Variants in SLC6A5 observed in about 807,000 individuals in gnomAD.
SLC6A5 encodes the protein sodium- and chloride-dependent glycine transporter 2.
In SLC6A5, 58 loss-of-function variants were observed where a neutral mutation model predicts 90.5. The observed-to-expected ratio is 0.64, with a 90% CI of 0.52 to 0.80. The LOEUF is 0.80. SLC6A5 is among the 30% of genes least tolerant of loss of function. The probability of loss-of-function intolerance (pLI) is 0.00; values close to 1 mark genes in which losing one functional copy is unlikely to be tolerated. For synonymous variants in SLC6A5, 427 were observed against 401.4 expected (o/e 1.06, Z -0.76); for missense variants, 1,015 against 1,017.6 (o/e 1.00, Z 0.03).
intron 13 of SLC6A5, among the ~76,000 whole-genome samples, chr11:20,639,163 A>G (rs1853266335): frequency 1.3e-5 from 2 of 152,296 alleles, no homozygotes; most frequent in Middle Eastern, 3.4e-3. Flanking sequence ...ATGGTGAGCT[A>G]TCAGATGCCA....
intron 14 of SLC6A5, 115 bp downstream of exon 14, chr11:20,647,049 G>T: frequency 1.3e-6 from 1 of 785,524 alleles, no homozygotes; most frequent in East Asian, 2.6e-5. Flanking sequence ...CCTGGGAGCT[G>T]GTAGGTTGGG....
intron 5 of SLC6A5, among the ~76,000 whole-genome samples, chr11:20,611,673 A>G (rs1402165905): frequency 3.3e-5 from 5 of 152,028 alleles, no homozygotes; most frequent in Non-Finnish European, 5.9e-5. Context: ...GCTGCAACGC[A>G]GGAAACTCTA....
intron 9 of SLC6A5, among the ~76,000 whole-genome samples, chr11:20,629,470 T>G (rs987400457): frequency 3.3e-5 from 5 of 152,176 alleles, no homozygotes; most frequent in African/African-American, 1.2e-4. Flanking sequence ...ATAGACTGAG[T>G]AATATTTTTT....
chr11:20,630,609 G>T, intron 9 of SLC6A5, 82 bp from the exon 10 acceptor site: 2 of 1,480,826 alleles, frequency 1.4e-6, no homozygotes, highest in Non-Finnish European at 1.9e-6. Context: ...AAACATGTGG[G>T]CACACATTTG....
At chr11:20,625,783 C>A (rs1217457956) in intron 7 of SLC6A5, among the ~76,000 whole-genome samples, 1 of 152,180 alleles carries the variant, frequency 6.6e-6, no homozygotes, top group Non-Finnish European at 1.5e-5. Flanking sequence ...CCCACCTTGC[C>A]TCTCCTCCTC....
rs773387120 is a variant in SLC6A5 at position 20,626,773 on chromosome 11, C to A, written c.1326C>A (p.Thr442=). Residue 442 remains threonine (T), a synonymous_variant, in exon 8 of 16, where the codon ACC becomes ACA. Transcript: ENST00000525748. ...TGATCCTCCTCATCCGAGGAGTCAC[C>A]CTGCCTGGAGCTGGAGCTGGGATCT... ...VLVILLIRGV[T]LPGAGAGIWY... 2 of 1,613,884 alleles carry A rather than the reference C, an allele frequency of 1.2e-6. No homozygotes were observed. The highest frequency in any genetic ancestry group is 2.2e-5 in the East Asian group (1 of 44,860).
At chr11:20,628,448 G>A (rs1449352622) in intron 9 of SLC6A5, among the ~76,000 whole-genome samples, 1 of 152,164 alleles carries the variant, frequency 6.6e-6, no homozygotes, top group African/African-American at 2.4e-5. Context: ...GTGGGGCTGT[G>A]ACCTAATCTC....
intron 13 of SLC6A5, among the ~76,000 whole-genome samples, chr11:20,639,979 G>A (rs1326221484): frequency 6.6e-6 from 1 of 152,188 alleles, no homozygotes; most frequent in Non-Finnish European, 1.5e-5. Flanking sequence ...TGCTGTCGGA[G>A]TTAGGGTGAG....
chr11:20,613,718 G>A (rs987763185), intron 5 of SLC6A5, among the ~76,000 whole-genome samples: 11 of 136,062 alleles, frequency 8.1e-5, no homozygotes, highest in African/African-American at 3.0e-4. Context: ...GGAATGCAGT[G>A]GCATGATCAT....
At chr11:20,636,526 G>A (rs541962363) in intron 11 of SLC6A5, 107 bp downstream of exon 11, 1 of 751,704 alleles carries the variant, frequency 1.3e-6, no homozygotes, top group South Asian at 1.5e-5. Context: ...ACGGGTGTCT[G>A]AATGTTTCTC....
rs772106200 is a variant in SLC6A5, at chr11:20,614,859, G to A, written c.1127+39G>A. ...CTTTTTCCTTTTTTACCTTCTAAGA[G>A]AAACACAGTGAATTAATAAATATTC... On this transcript the variant is annotated intron_variant, in intron 6 of 15. Transcript: ENST00000525748. 1.2e-5 allele frequency: 18 copies of A among 1,549,314 alleles called. No individual in the cohort carries two copies. The East Asian group carries it at 4.0e-4, about 35-fold the overall frequency.
Position 20,626,711 on chromosome 11 carries a change from G to T in SLC6A5, c.1264G>T (p.Val422Leu). 1.2e-6 allele frequency: 2 copies of T among 1,614,018 alleles called. No homozygotes were observed. The highest frequency in any genetic ancestry group is 1.7e-6 in the Non-Finnish European group (2 of 1,179,926). Residue 422 changes from valine (V) to leucine (L), a missense_variant, in exon 8 of 16, where the codon GTG (valine) becomes TTG (leucine). By Grantham distance (32) the Val-to-Leu change is conservative. Around this residue, in one of 3 missense-constraint regions of SLC6A5, gnomAD observed 442 missense variants for 494.3 expected, o/e 0.89. Transcript: ENST00000525748. ...AKGIKTSGKV[V>L]YFTATFPYVV... ...CCTCTGCCCATGGCTTTTCTAGGTGGTGTACTTCACGGCCACGTTCCCGTA... is the reference window on the plus strand; with the variant it reads ...CCTCTGCCCATGGCTTTTCTAGGTGTTGTACTTCACGGCCACGTTCCCGTA...
At chr11:20,649,876 T>A (rs1411196283) in intron 14 of SLC6A5, among the ~76,000 whole-genome samples, 2 of 152,212 alleles carry the variant, frequency 1.3e-5, no homozygotes, top group African/African-American at 4.8e-5. Context: ...TAGGGACAAA[T>A]GTTTAAAAAG....
chr11:20,626,877 G>C, intron 8 of SLC6A5, 35 bp downstream of exon 8: 1 of 1,600,166 alleles, frequency 6.2e-7, no homozygotes, highest in Non-Finnish European at 8.6e-7. Context: ...CCAGCCCTGG[G>C]GGAGTGGCCC....
Position 20,637,258 on chromosome 11 carries a change from C to A in SLC6A5, c.1824C>A (p.Gly608=), listed in dbSNP as rs1217223125. The change falls in exon 12 of 16, where the codon GGC becomes GGA. Residue 608 remains glycine, a synonymous_variant. Transcript: ENST00000525748. ...LRTHKPVFTL[G]CCICFFIMGF... ...CACACAAGCCAGTGTTTACTCTGGG[C>A]TGCTGCATTTGTTTCTTCATCATGG... 6.2e-7 allele frequency: 1 copy of A among 1,611,438 alleles called. No homozygotes were observed. Among genetic ancestry groups the A allele is most frequent in the Non-Finnish European group, 8.5e-7 (1 of 1,178,422 alleles).
intron 12 of SLC6A5, among the ~76,000 whole-genome samples, chr11:20,638,084 T>C (rs7950354): frequency 0.29 from 44,252 of 151,958 alleles, 6,641 homozygotes; most frequent in Middle Eastern, 0.41. Context: ...CATCGGAGGG[T>C]CAATCGAATG....
intron 5 of SLC6A5, among the ~76,000 whole-genome samples, chr11:20,614,263 C>G (rs998576869): frequency 6.6e-6 from 1 of 152,144 alleles, no homozygotes; most frequent in Non-Finnish European, 1.5e-5. Flanking sequence ...GATCTGAGTT[C>G]GAATCCTGAT....
chr11:20,615,756 G>C (rs1048105414), intron 6 of SLC6A5, among the ~76,000 whole-genome samples: 3 of 150,798 alleles, frequency 2.0e-5, no homozygotes, highest in African/African-American at 7.3e-5. Flanking sequence ...TAATTCAGGG[G>C]TTGTAAATTC....
At position 20,626,728 on chromosome 11, in the gene SLC6A5, G is replaced by GGGA; in HGVS notation, c.1281_1282insGGA (p.Thr427_Phe428insGly). ...TCTAGGTGGTGTACTTCACGGCCAC[G>GGGA]TTCCCGTATGTCGTACTCGTGATCC... On this transcript the variant is annotated inframe_insertion, in exon 8 of 16. Coordinates refer to ENST00000525748, the MANE Select transcript of SLC6A5 (RefSeq NM_004211.5). 2 of 1,614,056 alleles carry GGGA rather than the reference G, an allele frequency of 1.2e-6. No individual in the cohort carries two copies. Among genetic ancestry groups the GGGA allele is most frequent in the South Asian group, 2.2e-5 (2 of 91,058 alleles).
Sources: gnomAD v4.1 joint callset for allele counts (sites outside exome capture counted in the v4.1 genomes callset) on GRCh38, gnomAD v4.1.1 for gene constraint, gnomAD v4.1.1 regional missense constraint, MANE v1.5 for transcripts, NCBI Gene and HGNC (gene_info 2026-07-23, HGNC 2026-07-21) for gene names.